Variants in JAK2 observed in about 807,000 individuals in gnomAD.
JAK2 encodes tyrosine-protein kinase JAK2.
A neutral mutation model predicts 139.3 loss-of-function variants in JAK2; 86 were observed. The observed-to-expected ratio is 0.62, with a 90% CI of 0.52 to 0.74. JAK2 has a LOEUF of 0.74. JAK2 is among the 30% of genes least tolerant of loss of function. The pLI is 0.00. For missense variants in JAK2, 1,421 were observed against 1,360.3 expected (o/e 1.04, Z -0.70); for synonymous variants, 490 against 437.7 (o/e 1.12, Z -1.49).
intron 2 of JAK2, among the ~76,000 whole-genome samples, chr9:4,989,929 G>T (rs1359413023): frequency 6.6e-6 from 1 of 152,178 alleles, no homozygotes; most frequent in African/African-American, 2.4e-5. Context: ...ATATGGAGAA[G>T]CTTTAAAAGT....
At chr9:4,995,709 G>C (rs1294143219) in intron 2 of JAK2, among the ~76,000 whole-genome samples, 1 of 152,114 alleles carries the variant, frequency 6.6e-6, no homozygotes, top group Admixed American at 6.5e-5. Flanking sequence ...TCAAGTACTT[G>C]AAAATAAAAT....
At chr9:5,120,594 T>C (rs1017478853) in intron 22 of JAK2, among the ~76,000 whole-genome samples, 1 of 152,206 alleles carries the variant, frequency 6.6e-6, no homozygotes, top group Non-Finnish European at 1.5e-5. Context: ...GATTTTGGAC[T>C]CCTGGAGGAT....
Position 5,065,057 on chromosome 9 carries a change from TA to T in JAK2, c.1214+21del. On this transcript the variant is annotated intron_variant, in intron 9 of 24. Transcript: ENST00000381652. ...CCCAATTTCGTGAGTAATACAGACT[TA>T]AAAGTAAATTTTTAGAAAAGTAAAT... is the stretch of plus-strand genomic sequence containing the variant. 1 of 1,488,368 alleles carries T rather than the reference TA, an allele frequency of 6.7e-7. No individual in the cohort carries two copies. The highest frequency in any genetic ancestry group is 9.0e-7 in the Non-Finnish European group (1 of 1,110,096). 92.2% of individuals were successfully genotyped at this position (1,488,368 alleles called of 1,614,324 possible).
chr9:5,080,560 C>T lies in JAK2; in HGVS notation c.2311C>T (p.Gln771Ter), dbSNP rs2130607600. ...GCTACAATTTTATGAAGATAGGCAT[C>T]AGCTTCCTGCACCAAAGTGGGCAGA... ...RKLQFYEDRH[Q>*]LPAPKWAELA... Residue 771 changes from glutamine to a stop codon, truncating the protein, a stop_gained, in exon 18 of 25, where the codon CAG (glutamine) becomes TAG (stop). Transcript: ENST00000381652. LOFTEE classifies it high-confidence loss of function. 1.9e-6 allele frequency: 3 copies of T among 1,596,174 alleles called. No homozygotes were observed. The highest frequency in any genetic ancestry group is 2.6e-6 in the Non-Finnish European group (3 of 1,175,424).
chr9:5,122,376 G>T (rs1252937648), intron 22 of JAK2, among the ~76,000 whole-genome samples: 1 of 151,974 alleles, frequency 6.6e-6, no homozygotes, highest in Non-Finnish European at 1.5e-5. Context: ...TGGTTAACAG[G>T]TTCTTTCTTT....
intron 3 of JAK2, among the ~76,000 whole-genome samples, chr9:5,025,339 A>C (rs1168093270): frequency 6.6e-6 from 1 of 152,130 alleles, no homozygotes; most frequent in East Asian, 1.9e-4. Flanking sequence ...CTCTTGGTCT[A>C]TTCTCTGTGA....
chr9:5,080,836 A>G (rs950184387), intron 18 of JAK2, among the ~76,000 whole-genome samples, 153 bp downstream of exon 18: 8 of 150,894 alleles, frequency 5.3e-5, no homozygotes, highest in Non-Finnish European at 1.2e-4. Flanking sequence ...CATGCTTTAT[A>G]CATATTCTAA....
At position 5,123,189 on chromosome 9, in the gene JAK2, A is replaced by G. The variant is rs181065550; in HGVS notation, c.3177+68A>G. 4.3e-5 allele frequency: 47 copies of G among 1,094,588 alleles called. 1 individual carries two copies. The African/African-American group carries it at 6.8e-4, about 16-fold the overall frequency. The allele number at this position is 1,094,588 out of a possible 1,614,324, so 67.8% of individuals were successfully genotyped here. On this transcript the variant is annotated intron_variant, in intron 23 of 24. Coordinates refer to ENST00000381652, the MANE Select transcript of JAK2 (RefSeq NM_004972.4). ...TTTGATTTTTATAAATTTATGGGGT[A>G]CAAGTACAATTTTGCTACATGCATA...
rs763930971 is a variant in JAK2, at chr9:5,055,624, C to G, written c.937-45C>G. The stretch of plus-strand genomic sequence containing the variant: ...TCTTAAGTCTTGTTTTAAAATGGCT[C>G]TGTAAATTCTACCCGTTTTTAATTT... On this transcript the variant is annotated intron_variant, in intron 7 of 24. Transcript: ENST00000381652. 13 of 1,446,240 alleles carry G rather than the reference C, an allele frequency of 9.0e-6. No homozygotes were observed. The South Asian group carries it at 1.1e-4, about 12-fold the overall frequency. 89.6% of individuals were successfully genotyped at this position (1,446,240 alleles called of 1,614,324 possible).
rs577848251 is a variant in JAK2 at position 5,019,349 on chromosome 9, A to G, written c.-25-2614A>G. On this transcript the variant is annotated intron_variant, in intron 2 of 24. Coordinates refer to ENST00000381652, the MANE Select transcript of JAK2 (RefSeq NM_004972.4). ...CTAGAATGTATTTTTTATTTCATTA[A>G]ATGAATTCTTCAGTTTCAGGGTTTC... Among the ~76,000 whole-genome samples, 8 of 152,206 alleles carry G rather than the reference A, an allele frequency of 5.3e-5. 1 individual carries two copies. The highest frequency in any genetic ancestry group is 5.2e-4 in the Admixed American group (8 of 15,304).
chr9:5,054,472 G>A lies in JAK2; in HGVS notation c.615-91G>A, dbSNP rs984248549. ...GTGTTGTAAGGCCTACTTAATCATG[G>A]AAAAAGGTGGTAACTTCTTTTTCAA... On this transcript the variant is annotated intron_variant, in intron 6 of 24. Transcript: ENST00000381652. This position sits in a 1 kb window ranked among gnomAD's most constrained non-coding sequence, Gnocchi z 4.9. 4.5e-6 allele frequency: 5 copies of A among 1,108,728 alleles called. No homozygotes were observed. Among genetic ancestry groups the A allele is most frequent in the Non-Finnish European group, 5.2e-6 (4 of 768,692 alleles). 68.7% of individuals were successfully genotyped at this position (1,108,728 alleles called of 1,614,324 possible).
chr9:4,987,734 TAAA>T (rs60356569), intron 2 of JAK2, among the ~76,000 whole-genome samples: 13 of 126,636 alleles, frequency 1.0e-4, no homozygotes, highest in African/African-American at 9.0e-5. Context: ...AGACTCTGTC[TAAA>T]AAAAAAAAAA....
At chr9:5,000,581 C>G (rs1193607998) in intron 2 of JAK2, among the ~76,000 whole-genome samples, 2 of 152,124 alleles carry the variant, frequency 1.3e-5, no homozygotes, top group African/African-American at 4.8e-5. Flanking sequence ...TTTGTTATGC[C>G]AACTTTTAGG....
At chr9:5,115,849 T>C (rs181474653) in intron 22 of JAK2, among the ~76,000 whole-genome samples, 2 of 151,642 alleles carry the variant, frequency 1.3e-5, no homozygotes, top group Admixed American at 6.6e-5. Context: ...TAAGTGGGAG[T>C]TGAACAATGA....
intron 2 of JAK2, among the ~76,000 whole-genome samples, chr9:5,003,866 G>A (rs1284371124): frequency 6.6e-6 from 1 of 151,872 alleles, no homozygotes; most frequent in Non-Finnish European, 1.5e-5. Flanking sequence ...GAGGAAGTTT[G>A]CTTTTATTCC....
intron 19 of JAK2, among the ~76,000 whole-genome samples, chr9:5,083,622 C>T (rs1296953136): frequency 6.6e-6 from 1 of 151,830 alleles, no homozygotes; most frequent in African/African-American, 2.4e-5. Flanking sequence ...CCTTTAGATC[C>T]CAATAGATTA....
At position 5,077,577 on chromosome 9, in the gene JAK2, T is replaced by G; in HGVS notation, c.1989T>G (p.Phe663Leu). The change falls in exon 15 of 25, where the codon TTT (phenylalanine) becomes TTG (leucine). Residue 663 changes from phenylalanine (F) to leucine (L), a missense_variant. Phe to Leu is a conservative substitution (Grantham distance 22, BLOSUM62 0). Coordinates refer to ENST00000381652, the MANE Select transcript of JAK2 (RefSeq NM_004972.4). ...AACAGTTGGCATGGGCCATGCATTTTCTAGTAAGTAGTACAACCTTTTTAT... is the reference window on the plus strand; with the variant it reads ...AACAGTTGGCATGGGCCATGCATTTGCTAGTAAGTAGTACAACCTTTTTAT... Reference protein sequence around the residue: ...VAKQLAWAMHFLEENTLIHGN... With the variant: ...VAKQLAWAMHLLEENTLIHGN... 1 of 1,479,080 alleles carries G rather than the reference T, an allele frequency of 6.8e-7. No individual in the cohort carries two copies. The highest frequency in any genetic ancestry group is 9.0e-7 in the Non-Finnish European group (1 of 1,115,490). The allele number at this position is 1,479,080 out of a possible 1,614,324, so 91.6% of individuals were successfully genotyped here.
At chr9:5,119,569 G>A (rs973693500) in intron 22 of JAK2, among the ~76,000 whole-genome samples, 18 of 152,032 alleles carry the variant, frequency 1.2e-4, no homozygotes, top group Admixed American at 2.6e-4. Context: ...ATGAAAATAA[G>A]ATAATTTCTC....
chr9:5,103,235 A>G (rs1471858044), intron 22 of JAK2, among the ~76,000 whole-genome samples: 1 of 140,942 alleles, frequency 7.1e-6, no homozygotes, highest in Non-Finnish European at 1.5e-5. Context: ...AAAAAAAAAA[A>G]AAAAAAAAAA....
Sources: gnomAD v4.1 joint callset for allele counts (sites outside exome capture counted in the v4.1 genomes callset) on GRCh38, gnomAD v4.1.1 for gene constraint, Gnocchi (gnomAD v3.1) non-coding constraint, MANE v1.5 for transcripts, NCBI Gene and HGNC (gene_info 2026-07-23, HGNC 2026-07-21) for gene names.